The following DRD3 variants were observed in gnomAD, a reference collection of about 807,000 sequenced individuals.
DRD3 encodes the protein D(3) dopamine receptor.
Under a neutral mutation model 36.3 loss-of-function variants are expected in DRD3, and 19 were observed. That is an observed-to-expected ratio of 0.52 (90% CI 0.36 to 0.77). The LOEUF is 0.77. Ranked by LOEUF, DRD3 falls within the 30% of genes least tolerant of loss-of-function variation. DRD3 has a pLI of 0.00. For synonymous variants in DRD3, 195 were observed against 203.7 expected, an observed-to-expected ratio of 0.96 and a Z score of 0.36; for missense variants, 465 against 505.3, an observed-to-expected ratio of 0.92 and a Z score of 0.77.
intron 3 of DRD3, among the ~76,000 whole-genome samples, chr3:114,153,320 G>A (rs1365899640): frequency 6.6e-6 from 1 of 151,774 alleles, no homozygotes; most frequent in Non-Finnish European, 1.5e-5. Context: ...TTCAAAAGAC[G>A]GTATTATTAT....
At chr3:114,167,539 G>T (rs554071319) in intron 2 of DRD3, among the ~76,000 whole-genome samples, 1 of 152,246 alleles carries the variant, frequency 6.6e-6, no homozygotes, top group African/African-American at 2.4e-5. Flanking sequence ...TTTTTGTCCT[G>T]AACTTATCTG....
intron 1 of DRD3, among the ~76,000 whole-genome samples, chr3:114,174,863 A>G (rs541805392): frequency 1.3e-5 from 2 of 152,086 alleles, no homozygotes; most frequent in East Asian, 3.9e-4. Flanking sequence ...GGTCTCAGGT[A>G]AGAAGAAGCA....
In DRD3 at chr3:114,131,287, C is replaced by T; in HGVS notation, c.837G>A (p.Glu279=). Residue 279 remains glutamate (E), a synonymous_variant, in exon 6 of 7, where the codon GAG becomes GAA. Transcript: ENST00000383673. ...GACTCAGGGAATTCCGAGTCTTCTC[C>T]TCTCTTTTCAACTCTCCTCCTCTTT... The part of the protein sequence containing the change: ...FQERGGELKR[E]EKTRNSLSPT... 1 of 1,614,230 alleles carries T rather than the reference C, an allele frequency of 6.2e-7. No individual in the cohort carries two copies. The highest frequency in any genetic ancestry group is 8.5e-7 in the Non-Finnish European group (1 of 1,180,040).
chr3:114,194,113 A>G (rs1452703233), intron 1 of DRD3, among the ~76,000 whole-genome samples: 1 of 152,232 alleles, frequency 6.6e-6, no homozygotes, highest in African/African-American at 2.4e-5. Flanking sequence ...ATGATGGCAT[A>G]TCCTAAATGA....
rs543761551 is a variant in DRD3 at position 114,159,292 on chromosome 3, C to G, written c.383+463G>C. ...TCTCCCCCACTTCTCTCCTCTCTCCCCCTCAAAAATTATCCCTACACCTGC... is the reference window on the plus strand; with the variant it reads ...TCTCCCCCACTTCTCTCCTCTCTCCGCCTCAAAAATTATCCCTACACCTGC... On this transcript the variant is annotated intron_variant, in intron 3 of 6. Coordinates refer to ENST00000383673, the MANE Select transcript of DRD3 (RefSeq NM_000796.6). Among the ~76,000 whole-genome samples, 320 of 151,982 alleles carry G rather than the reference C, an allele frequency of 2.1e-3. 6 individuals carry two copies. The highest frequency in any genetic ancestry group is 0.021 in the South Asian group (101 of 4,802).
At chr3:114,194,961 C>G (rs1350131533) in intron 1 of DRD3, among the ~76,000 whole-genome samples, 2 of 152,078 alleles carry the variant, frequency 1.3e-5, no homozygotes, top group South Asian at 4.1e-4. Context: ...TCCAGACTTA[C>G]GGGAAGCTTG....
At chr3:114,165,011 G>A (rs530933708) in intron 2 of DRD3, among the ~76,000 whole-genome samples, 8 of 152,286 alleles carry the variant, frequency 5.3e-5, no homozygotes, top group African/African-American at 1.9e-4. Flanking sequence ...TCGGCCTCCC[G>A]AAGTGCTGAG....
chr3:114,177,480 C>T (rs2077911656), intron 1 of DRD3, among the ~76,000 whole-genome samples: 1 of 152,112 alleles, frequency 6.6e-6, no homozygotes, highest in South Asian at 2.1e-4. Flanking sequence ...ACTGAGCATC[C>T]TACCATTCTA....
rs774740867 is a variant in DRD3 at position 114,159,805 on chromosome 3, G to C, written c.333C>G (p.Val111=). The change falls in exon 3 of 7, where the codon GTC becomes GTG. Residue 111 remains valine (V), a synonymous_variant. Coordinates refer to ENST00000383673, the MANE Select transcript of DRD3 (RefSeq NM_000796.6). ...ICCDVFVTLD[V]MMCTASILNL... ...TAAGGATGCTGGCTGTACACATCAT[G>C]ACATCCAGGGTGACAAAAACATCAC... The C allele has an allele frequency of 1.5e-5, 25 of 1,613,958 alleles. No homozygotes were observed. The South Asian group carries it at 2.7e-4, about 18-fold the overall frequency.
upstream of DRD3, among the ~76,000 whole-genome samples, chr3:114,181,587 A>AT (rs1160471836): frequency 6.6e-6 from 1 of 152,060 alleles, no homozygotes; most frequent in African/African-American, 2.4e-5. Flanking sequence ...AATATAGATC[A>AT]TTTTTTTCAT....
intron 4 of DRD3, among the ~76,000 whole-genome samples, chr3:114,144,396 G>A (rs150986046): frequency 1.1e-3 from 167 of 152,302 alleles, no homozygotes; most frequent in African/African-American, 3.8e-3. Context: ...CACAGAAGGT[G>A]TAGAAAAAAT....
At chr3:114,157,552 C>T (rs1268039054) in intron 3 of DRD3, among the ~76,000 whole-genome samples, 1 of 152,170 alleles carries the variant, frequency 6.6e-6, no homozygotes, top group East Asian at 1.9e-4. Flanking sequence ...GAGGTCATAG[C>T]ACAGGCCCCC....
At chr3:114,175,166 A>G (rs757733486) in intron 1 of DRD3, among the ~76,000 whole-genome samples, 2 of 152,178 alleles carry the variant, frequency 1.3e-5, no homozygotes, top group Non-Finnish European at 2.9e-5. Context: ...AAATGCTTCT[A>G]GACATTGCCA....
Position 114,128,580 on chromosome 3 carries a change from C to T in DRD3, c.*136G>A, listed in dbSNP as rs2077397433. On this transcript the variant is annotated 3_prime_UTR_variant, in exon 7 of 7. Transcript: ENST00000383673. ...GTTTTGGAGGACACATCTGGTTATA[C>T]CTGACAAGCAGGGACATCCTGGCTC... The T allele has an allele frequency of 3.5e-6, 3 of 851,760 alleles. No individual in the cohort carries two copies. The highest frequency in any genetic ancestry group is 2.7e-5 in the South Asian group (1 of 37,230). The allele number at this position is 851,760 out of a possible 1,614,324, so 52.8% of individuals were successfully genotyped here.
At chr3:114,195,896 A>T (rs2078033694) in intron 1 of DRD3, among the ~76,000 whole-genome samples, 1 of 152,228 alleles carries the variant, frequency 6.6e-6, no homozygotes, top group South Asian at 2.1e-4. Flanking sequence ...TCACAAGCTT[A>T]AAAGGAGCAA....
At chr3:114,196,592 T>C (rs569813799) in intron 1 of DRD3, among the ~76,000 whole-genome samples, 25 of 152,298 alleles carry the variant, frequency 1.6e-4, no homozygotes, top group Admixed American at 1.0e-3. Flanking sequence ...CTATTTTACA[T>C]TTCCACCAAC....
chr3:114,193,158 A>C (rs2078020010), intron 1 of DRD3, among the ~76,000 whole-genome samples: 1 of 152,150 alleles, frequency 6.6e-6, no homozygotes, highest in African/African-American at 2.4e-5. Context: ...GGGCGCCTGT[A>C]GTCCCAGCTA....
chr3:114,133,976 T>G (rs1469601189), intron 5 of DRD3, among the ~76,000 whole-genome samples: 1 of 152,222 alleles, frequency 6.6e-6, no homozygotes, highest in Non-Finnish European at 1.5e-5. Flanking sequence ...GTGGTGGCAT[T>G]CAATGTCCAG....
intron 3 of DRD3, among the ~76,000 whole-genome samples, chr3:114,155,924 C>T (rs976302413): frequency 6.6e-6 from 1 of 152,152 alleles, no homozygotes; most frequent in African/African-American, 2.4e-5. Flanking sequence ...TCTCTCCCTC[C>T]CACTTCCCCT....
Sources: allele counts gnomAD v4.1 joint callset (sites outside exome capture counted in the v4.1 genomes callset), GRCh38; gene constraint gnomAD v4.1.1; transcripts MANE v1.5; gene names NCBI Gene and HGNC (gene_info 2026-07-23, HGNC 2026-07-21).